The following NSF variants were observed in gnomAD, a reference collection of about 807,000 sequenced individuals.
NSF encodes the protein N-ethylmaleimide sensitive factor, vesicle fusing ATPase, also known as vesicle-fusing ATPase.
In NSF, 14 loss-of-function variants were observed where a neutral mutation model predicts 50.3. The observed-to-expected ratio is 0.28, with a 90% confidence interval of 0.18 to 0.44. The LOEUF is 0.44. NSF is among the 20% of genes least tolerant of loss of function. The pLI is 1.00. For synonymous variants in NSF, 109 were observed against 175.7 expected (o/e 0.62, Z 3.00); for missense variants, 218 against 504.3 (o/e 0.43, Z 5.44).
intron 17 of NSF, among the ~76,000 whole-genome samples, chr17:46,740,725 G>T (rs991041657): frequency 2.7e-5 from 4 of 150,124 alleles, no homozygotes; most frequent in Non-Finnish European, 5.9e-5. Context: ...ACAATGGCAC[G>T]ATTTCGGCTC....
At position 46,722,264 on chromosome 17, in the gene NSF, G is replaced by C. The variant is rs151083524; in HGVS notation, c.1762-4285G>C. 6.9e-4 allele frequency: 698 copies of C among 1,018,512 alleles called. 9 individuals carry two copies. The East Asian group carries it at 0.014, about 20-fold the overall frequency. 63.1% of individuals were successfully genotyped at this position (1,018,512 alleles called of 1,614,324 possible). A position where few individuals can be genotyped will look rare whatever the true frequency, so the allele number is the denominator to read the frequency against. On this transcript the variant is annotated intron_variant, in intron 15 of 20. Transcript: ENST00000398238. ...CCCTACATTCTTAAGATTAATTTTG[G>C]GGGGAGTCTGTAAGATACGGTTCTT...
intron 17 of NSF, among the ~76,000 whole-genome samples, chr17:46,746,345 G>A (rs536091610): frequency 3.0e-4 from 46 of 152,244 alleles, no homozygotes; most frequent in Admixed American, 2.6e-3. Context: ...ATCTGCATTG[G>A]TTTATGGTGG....
Position 46,717,450 on chromosome 17 carries a change from C to T in NSF, c.1761+3464C>T, listed in dbSNP as rs111364852. On this transcript the variant is annotated intron_variant, in intron 15 of 20. Transcript: ENST00000398238. ...ATCATGGGCCAGGCACAGTGGTTCACGCCTGTAATCCCAGCACTTTGGGAG... is the reference window on the plus strand; with the variant it reads ...ATCATGGGCCAGGCACAGTGGTTCATGCCTGTAATCCCAGCACTTTGGGAG... Among the ~76,000 whole-genome samples, 567 of 152,220 alleles carry T rather than the reference C, an allele frequency of 3.7e-3. 5 individuals are homozygous for T. The highest frequency in any genetic ancestry group is 0.012 in the African/African-American group (481 of 41,548).
rs148930686 is a variant in NSF at position 46,635,777 on chromosome 17, ATGTGTGTGTGTGTGTGTG to A, written c.239-1574_239-1557del. ...TTCAGGGAACCTAAAGGGAAAATAA[ATGTGTGTGTGTGTGTGTG>A]TGTGTGTGTGTGTGTGTGTGTGTGC... On this transcript the variant is annotated intron_variant, in intron 4 of 20. Coordinates refer to ENST00000398238, the MANE Select transcript of NSF (RefSeq NM_006178.4). Among the ~76,000 whole-genome samples, 5 of 116,702 alleles carry A rather than the reference ATGTGTGTGTGTGTGTGTG, an allele frequency of 4.3e-5. 1 individual carries two copies. The highest frequency in any genetic ancestry group is 5.7e-5 in the Non-Finnish European group (3 of 52,844). 76.6% of individuals were successfully genotyped at this position (116,702 alleles called of 152,430 possible). A position where few individuals can be genotyped will look rare whatever the true frequency, so the allele number is the denominator to read the frequency against.
chr17:46,708,820 A>ATTTTTTT (rs1432167576), intron 13 of NSF, among the ~76,000 whole-genome samples: 1 of 98,550 alleles, frequency 1.0e-5, no homozygotes, highest in African/African-American at 4.1e-5. Flanking sequence ...ATATATATAT[A>ATTTTTTT]TATTTTTTTT....
At chr17:46,711,556 T>C (rs946538368) in intron 14 of NSF, among the ~76,000 whole-genome samples, 1 of 152,208 alleles carries the variant, frequency 6.6e-6, no homozygotes, top group African/African-American at 2.4e-5. Context: ...TGTGTGTGAA[T>C]ACAAGTCATT....
At chr17:46,751,383 T>C (rs1313384390) in intron 18 of NSF, 120 bp from the exon 19 acceptor site, 1 of 708,656 alleles carries the variant, frequency 1.4e-6, no homozygotes, top group East Asian at 2.7e-5. Flanking sequence ...TAGGAGAGAA[T>C]TCTATCAACT....
intron 17 of NSF, among the ~76,000 whole-genome samples, chr17:46,737,336 A>G (rs1291834787): frequency 6.6e-6 from 1 of 152,174 alleles, no homozygotes; most frequent in Non-Finnish European, 1.5e-5. Context: ...GGAATATAGG[A>G]TACTTAGTTA....
intron 15 of NSF, among the ~76,000 whole-genome samples, chr17:46,717,024 CAA>C (rs1474609248): frequency 2.6e-5 from 4 of 151,912 alleles, no homozygotes; most frequent in Non-Finnish European, 5.9e-5. Context: ...TAATATATAT[CAA>C]AGAGTTATCT....
intron 1 of NSF, among the ~76,000 whole-genome samples, chr17:46,621,412 A>G (rs62074070): frequency 0.97 from 104,711 of 108,494 alleles, 50,697 homozygotes; most frequent in Non-Finnish European, 1. Context: ...TCAGCCTCCC[A>G]AGTAGCTGGG....
intron 13 of NSF, among the ~76,000 whole-genome samples, chr17:46,708,757 G>T (rs2058683879): frequency 1.4e-5 from 2 of 146,174 alleles, no homozygotes; most frequent in South Asian, 4.3e-4. Context: ...GCCTCCCAGT[G>T]TGCTAGGATT....
chr17:46,708,195 T>C (rs2058675591), intron 13 of NSF, among the ~76,000 whole-genome samples: 1 of 152,196 alleles, frequency 6.6e-6, no homozygotes, highest in Non-Finnish European at 1.5e-5. Context: ...TTTAGTTCTT[T>C]CGGGTATATA....
intron 17 of NSF, among the ~76,000 whole-genome samples, chr17:46,734,044 C>T (rs2058976340): frequency 6.6e-6 from 1 of 152,190 alleles, no homozygotes; most frequent in Non-Finnish European, 1.5e-5. Context: ...TTTTTAACAT[C>T]AGCAGTCTCT....
chr17:46,685,550 G>A (rs2058489651), intron 9 of NSF, among the ~76,000 whole-genome samples: 1 of 151,698 alleles, frequency 6.6e-6, no homozygotes, highest in Non-Finnish European at 1.5e-5. Context: ...GCTCAACAGC[G>A]TCAGCTCTGT....
At chr17:46,733,390 A>G (rs909270795) in intron 17 of NSF, among the ~76,000 whole-genome samples, 1 of 150,810 alleles carries the variant, frequency 6.6e-6, no homozygotes, top group African/African-American at 2.4e-5. Flanking sequence ...CTGAAAAGGA[A>G]CTCCTTGGGC....
chr17:46,709,754 C>G (rs942303848), intron 13 of NSF, among the ~76,000 whole-genome samples: 1 of 152,132 alleles, frequency 6.6e-6, no homozygotes, highest in Non-Finnish European at 1.5e-5. Context: ...CTCAGCCTCC[C>G]AAAGTGCTGG....
chr17:46,687,131 C>T (rs1235353806), intron 9 of NSF, among the ~76,000 whole-genome samples: 1 of 48,380 alleles, frequency 2.1e-5, no homozygotes, highest in Non-Finnish European at 4.0e-5. Flanking sequence ...TTTTTATTCC[C>T]CCTTTTCTTC....
At chr17:46,720,945 G>A (rs557074058) in intron 15 of NSF, among the ~76,000 whole-genome samples, 1 of 152,304 alleles carries the variant, frequency 6.6e-6, no homozygotes, top group South Asian at 2.1e-4. Flanking sequence ...GCTCCCATTT[G>A]CACTTGTGTA....
intron 15 of NSF, among the ~76,000 whole-genome samples, chr17:46,720,196 A>C (rs1598712705): frequency 6.6e-6 from 1 of 152,292 alleles, no homozygotes. Flanking sequence ...TGATTTGTTG[A>C]AGTTTTTGCA....
Sources: gnomAD v4.1 joint callset for allele counts (sites outside exome capture counted in the v4.1 genomes callset) on GRCh38, gnomAD v4.1.1 for gene constraint, MANE v1.5 for transcripts, NCBI Gene and HGNC (gene_info 2026-07-23, HGNC 2026-07-21) for gene names.